Variants in DVL2 observed in about 807,000 individuals in gnomAD.
DVL2 encodes the protein dishevelled segment polarity protein 2, also known as segment polarity protein dishevelled homolog DVL-2.
In DVL2, 38 loss-of-function variants were observed where a neutral mutation model predicts 69.8. The ratio of observed to expected loss-of-function variants is 0.54; its 90% CI spans 0.42 to 0.71. The LOEUF (loss-of-function observed/expected upper bound fraction) is 0.71, where lower values mean the gene tolerates loss of function less well. Among genes scored for constraint, DVL2 ranks in the 30% least tolerant of loss-of-function variants. The pLI is 0.00. For missense variants in DVL2, 931 were observed against 1,008.1 expected (o/e 0.92, Z 1.04); for synonymous variants, 428 against 392.4 (o/e 1.09, Z -1.07).
At position 7,225,383 on chromosome 17, in the gene DVL2, A is replaced by G. The variant is rs949619396; in HGVS notation, c.*482T>C. The G allele has an allele frequency of 1.9e-6, 1 of 515,288 alleles. No individual in the cohort carries two copies. The highest frequency in any genetic ancestry group is 1.9e-5 in the African/African-American group (1 of 52,090). 31.9% of individuals were successfully genotyped at this position (515,288 alleles called of 1,614,324 possible). A position where few individuals can be genotyped will look rare whatever the true frequency, so the allele number is the denominator to read the frequency against. On this transcript the variant is annotated 3_prime_UTR_variant, in exon 15 of 15. Coordinates refer to ENST00000005340, the MANE Select transcript of DVL2 (RefSeq NM_004422.3). ...CTTTATTTGGTGTTTTATACAAGTGACTAAAATAAATAGAGTAACAAAGGC... is the reference window on the plus strand; with the variant it reads ...CTTTATTTGGTGTTTTATACAAGTGGCTAAAATAAATAGAGTAACAAAGGC...
chr17:7,234,320 C>A lies in DVL2; in HGVS notation c.-58G>T. ...CCACCCAAAGGGCTAATGGCCCCTGCCGCGCCTGCGCACACCCGCAAACCG... is the reference window on the plus strand; with the variant it reads ...CCACCCAAAGGGCTAATGGCCCCTGACGCGCCTGCGCACACCCGCAAACCG... On this transcript the variant is annotated 5_prime_UTR_variant, in exon 1 of 15. Coordinates refer to ENST00000005340, the MANE Select transcript of DVL2 (RefSeq NM_004422.3). 1 of 1,559,646 alleles carries A rather than the reference C, an allele frequency of 6.4e-7. No individual in the cohort carries two copies.
intron 1 of DVL2, among the ~76,000 whole-genome samples, chr17:7,232,226 A>AG (rs2071553733): frequency 6.6e-6 from 1 of 152,208 alleles, no homozygotes; most frequent in Admixed American, 6.5e-5. Context: ...CAGACTCTCT[A>AG]CCCTAGTTGT....
At position 7,225,774 on chromosome 17, in the gene DVL2, T is replaced by G. The variant is rs1037330064; in HGVS notation, c.*91A>C. 4 of 1,161,684 alleles carry G rather than the reference T, an allele frequency of 3.4e-6. No homozygotes were observed. The highest frequency in any genetic ancestry group is 5.1e-6 in the Non-Finnish European group (4 of 785,058). The allele number at this position is 1,161,684 out of a possible 1,614,324, so 72.0% of individuals were successfully genotyped here. A position where few individuals can be genotyped will look rare whatever the true frequency, so the allele number is the denominator to read the frequency against. On this transcript the variant is annotated 3_prime_UTR_variant, in exon 15 of 15. Coordinates refer to ENST00000005340, the MANE Select transcript of DVL2 (RefSeq NM_004422.3). ...TCCTGTATGGCAGCAGCTGGTAGGC[T>G]GAGCCCAGGCACTGTAAGAGCAAGC...
intron 2 of DVL2, 138 bp downstream of exon 2, chr17:7,230,590 G>T: frequency 2.3e-6 from 3 of 1,318,990 alleles, no homozygotes; most frequent in Non-Finnish European, 3.2e-6. Flanking sequence ...AGGGCCTCTC[G>T]CCGGCTCTCC....
intron 1 of DVL2, among the ~76,000 whole-genome samples, chr17:7,231,777 C>T (rs2071546074): frequency 6.6e-6 from 1 of 150,400 alleles, no homozygotes; most frequent in Non-Finnish European, 1.5e-5. Context: ...GCAGGAGAAT[C>T]GCTTGAACCC....
At position 7,234,183 on chromosome 17, in the gene DVL2, T is replaced by C. The variant is rs747204709; in HGVS notation, c.80A>G (p.Tyr27Cys). The C allele has an allele frequency of 5.0e-6, 8 of 1,614,042 alleles. No individual in the cohort carries two copies. The highest frequency in any genetic ancestry group is 1.1e-5 in the South Asian group (1 of 91,080). ...GGCGGGGACAGGGATCTTCACCAGG[T>C]AGGGAGTCTCTTCCTCATCCAGGTG... ...IYHLDEEETP[Y>C]LVKIPVPAER... is the part of the protein sequence containing the mutation. The change falls in exon 1 of 15, where the codon TAC becomes TGC. Residue 27 changes from tyrosine (Y) to cysteine (C), a missense_variant. Physicochemically the swap from Tyr to Cys is radical, Grantham distance 194. Coordinates refer to ENST00000005340, the MANE Select transcript of DVL2 (RefSeq NM_004422.3).
chr17:7,226,628 G>T lies in DVL2; in HGVS notation c.1555C>A (p.Leu519Met), dbSNP rs750278603. ...GAGCCATCGTTGTCATTGAGAGACA[G>T]GTTGACTAGGTCTGGAAAGCAAGGG... ...SGGCESYLVN[L>M]SLNDNDGSSG... The change falls in exon 14 of 15, where the codon CTG becomes ATG. Residue 519 changes from leucine to methionine, a missense_variant. Physicochemically the swap from Leu to Met is conservative, Grantham distance 15 (BLOSUM62 2). Around this residue, in one of 3 missense-constraint regions of DVL2, gnomAD observed 314 missense variants for 313.7 expected, o/e 1.00. Transcript: ENST00000005340. 33 of 1,563,448 alleles carry T rather than the reference G, an allele frequency of 2.1e-5. 1 individual carries two copies. The Admixed American group carries it at 5.8e-4, about 27-fold the overall frequency.
chr17:7,228,093 C>G, intron 9 of DVL2, 49 bp from the exon 10 acceptor site: 1 of 1,462,370 alleles, frequency 6.8e-7, no homozygotes, highest in Non-Finnish European at 9.2e-7. Context: ...GAGGAGGCCT[C>G]AGGAGGGCGG....
Position 7,226,228 on chromosome 17 carries a change from G to A in DVL2, c.1848C>T (p.Ser616=), listed in dbSNP as rs767591942. 3.7e-5 allele frequency: 59 copies of A among 1,612,014 alleles called. No homozygotes were observed. The highest frequency in any genetic ancestry group is 1.1e-4 in the African/African-American group (8 of 74,896). ...AGGGCTCAGACTCACTGCCACTGCC[G>A]GACTTGGACTCGGGGGCCCGCTCCT... ...RPEERAPESK[S]GSGSESEPSS... is the part of the protein sequence containing the mutation. The change falls in exon 15 of 15, where the codon TCC becomes TCT. Residue 616 remains serine (S), a synonymous_variant. Coordinates refer to ENST00000005340, the MANE Select transcript of DVL2 (RefSeq NM_004422.3).
At position 7,234,247 on chromosome 17, in the gene DVL2, T is replaced by C. The variant is rs886830386; in HGVS notation, c.16A>G (p.Thr6Ala). The change falls in exon 1 of 15, where the codon ACT (threonine) becomes GCT (alanine). Residue 6 changes from threonine (T) to alanine (A), a missense_variant. Coordinates refer to ENST00000005340, the MANE Select transcript of DVL2 (RefSeq NM_004422.3). ...GTCTCCCCAACCCCACCGCCCCCAG[T>C]GCTGCTACCCGCCATGGTCTCGCCC... MAGSSTGGGGVGETKV... is the reference protein window; with the variant it reads MAGSSAGGGGVGETKV... 2 of 1,612,026 alleles carry C rather than the reference T, an allele frequency of 1.2e-6. No individual in the cohort carries two copies. The highest frequency in any genetic ancestry group is 1.7e-5 in the Admixed American group (1 of 59,870).
chr17:7,228,763 G>T, intron 9 of DVL2: 1 of 559,194 alleles, frequency 1.8e-6, no homozygotes, highest in Non-Finnish European at 3.2e-6. Flanking sequence ...TCTATTTTTA[G>T]TAGAGACACG....
At chr17:7,226,725 T>TTCC in intron 13 of DVL2, 86 bp from the exon 14 acceptor site, 1 of 1,105,580 alleles carries the variant, frequency 9.0e-7, no homozygotes, top group Non-Finnish European at 1.2e-6. Flanking sequence ...CTGGGAACAG[T>TTCC]TCTCCCAGAC....
chr17:7,228,356 G>A (rs950460606), intron 9 of DVL2: 2 of 213,638 alleles, frequency 9.4e-6, no homozygotes, highest in Non-Finnish European at 1.9e-5. Context: ...ACTATCCAGT[G>A]AGGCAAAGCT....
chr17:7,225,822 T>A lies in DVL2; in HGVS notation c.*43A>T. On this transcript the variant is annotated 3_prime_UTR_variant, in exon 15 of 15. Coordinates refer to ENST00000005340, the MANE Select transcript of DVL2 (RefSeq NM_004422.3). ...AGCACATGACGGCCAGGACACCCAG[T>A]CACACACCAGGAGCGCCCGGCCCAG... is the stretch of plus-strand genomic sequence containing the variant. 6.4e-7 allele frequency: 1 copy of A among 1,553,948 alleles called. No homozygotes were observed. Among genetic ancestry groups the A allele is most frequent in the Non-Finnish European group, 8.9e-7 (1 of 1,127,708 alleles).
Position 7,234,293 on chromosome 17 carries a change from GCCCA to G in DVL2, c.-35_-32del. ...CGCCCGCGCGCTCCCGGGCTCCACC[GCCCA>G]CCCAAAGGGCTAATGGCCCCTGCCG... On this transcript the variant is annotated 5_prime_UTR_variant, in exon 1 of 15. Transcript: ENST00000005340. 1.3e-6 allele frequency: 2 copies of G among 1,506,748 alleles called. No homozygotes were observed. The highest frequency in any genetic ancestry group is 1.8e-6 in the Non-Finnish European group (2 of 1,118,252). 93.3% of individuals were successfully genotyped at this position (1,506,748 alleles called of 1,614,324 possible). A position where few individuals can be genotyped will look rare whatever the true frequency, so the allele number is the denominator to read the frequency against.
At chr17:7,230,480 G>C (rs779032959) in intron 2 of DVL2, 50 bp from the exon 3 acceptor site, 1 of 1,602,524 alleles carries the variant, frequency 6.2e-7, no homozygotes, top group South Asian at 1.1e-5. Context: ...GTCAGGGTGT[G>C]ACAGGTGGCA....
At chr17:7,230,620 A>G in intron 2 of DVL2, 108 bp downstream of exon 2, 1 of 1,343,382 alleles carries the variant, frequency 7.4e-7, no homozygotes, top group Non-Finnish European at 1.0e-6. Flanking sequence ...GGAGGTAAAG[A>G]GCCAGGGCTG....
chr17:7,225,858 C>T lies in DVL2; in HGVS notation c.*7G>A. On this transcript the variant is annotated 3_prime_UTR_variant, in exon 15 of 15. Coordinates refer to ENST00000005340, the MANE Select transcript of DVL2 (RefSeq NM_004422.3). ...GAGCGCCCGGCCCAGCCTGGCCCCA[C>T]AGTGGGCTACATAACATCCACAAAG... 2 of 1,613,324 alleles carry T rather than the reference C, an allele frequency of 1.2e-6. No homozygotes were observed. The highest frequency in any genetic ancestry group is 1.1e-5 in the South Asian group (1 of 91,074).
chr17:7,226,458 G>A lies in DVL2; in HGVS notation c.1725C>T (p.Thr575=). Residue 575 remains threonine (T), a synonymous_variant, in exon 14 of 15, where the codon ACC becomes ACT. Coordinates refer to ENST00000005340, the MANE Select transcript of DVL2 (RefSeq NM_004422.3). ...GGCTGCTGGCACTGCCCCCACCATA[G>A]GTGTAAGATGAAAGCTCATGGTAGG... is the stretch of plus-strand genomic sequence containing the variant. ...PPPYHELSSY[T]YGGGSASSQH... The A allele has an allele frequency of 1.9e-6, 3 of 1,553,288 alleles. No homozygotes were observed. Among genetic ancestry groups the A allele is most frequent in the Non-Finnish European group, 2.6e-6 (3 of 1,150,652 alleles).
Sources: gnomAD v4.1 joint callset for allele counts (sites outside exome capture counted in the v4.1 genomes callset) on GRCh38, gnomAD v4.1.1 for gene constraint, gnomAD v4.1.1 regional missense constraint, MANE v1.5 for transcripts, NCBI Gene and HGNC (gene_info 2026-07-23, HGNC 2026-07-21) for gene names.